TMPRSS11A: variants seen among roughly 807,000 people sequenced by gnomAD.
TMPRSS11A encodes the protein transmembrane serine protease 11A.
A neutral mutation model predicts 58.9 loss-of-function variants in TMPRSS11A; 53 were observed. The observed-to-expected ratio is 0.90, with a 90% CI of 0.72 to 1.13. The LOEUF (loss-of-function observed/expected upper bound fraction) is 1.13. TMPRSS11A is among the 50% of genes most tolerant of loss of function. TMPRSS11A has a pLI of 0.00. For synonymous variants in TMPRSS11A, 167 were observed against 169.8 expected, an observed-to-expected ratio of 0.98 and a Z score of 0.13; for missense variants, 493 against 499.3, an observed-to-expected ratio of 0.99 and a Z score of 0.12.
intron 9 of TMPRSS11A, among the ~76,000 whole-genome samples, chr4:67,913,697 G>C (rs1272654088): frequency 6.6e-6 from 1 of 152,168 alleles, no homozygotes; most frequent in Non-Finnish European, 1.5e-5. Context: ...ATTAGCAACC[G>C]AGGCTGGCTG....
chr4:67,926,088 T>A (rs1029657920), intron 5 of TMPRSS11A, among the ~76,000 whole-genome samples: 1 of 152,200 alleles, frequency 6.6e-6, no homozygotes, highest in African/African-American at 2.4e-5. Flanking sequence ...ACTACAAGTA[T>A]CATGATGAAA....
intron 1 of TMPRSS11A, among the ~76,000 whole-genome samples, chr4:67,951,113 G>A (rs553625078): frequency 6.6e-6 from 1 of 152,306 alleles, no homozygotes; most frequent in South Asian, 2.1e-4. Flanking sequence ...CTTACTCAGA[G>A]TAACACAACC....
At chr4:67,926,874 C>T (rs1033470371) in intron 5 of TMPRSS11A, among the ~76,000 whole-genome samples, 10 of 152,144 alleles carry the variant, frequency 6.6e-5, no homozygotes, top group Non-Finnish European at 1.3e-4. Flanking sequence ...ATGGGACTAC[C>T]TGCCTGCAGA....
At chr4:67,923,780 T>C (rs1343021631) in intron 6 of TMPRSS11A, among the ~76,000 whole-genome samples, 1 of 152,230 alleles carries the variant, frequency 6.6e-6, no homozygotes, top group Non-Finnish European at 1.5e-5. Flanking sequence ...TCACAGACAA[T>C]GGGTTTTATG....
chr4:67,930,045 G>A lies in TMPRSS11A; in HGVS notation c.321-5C>T, dbSNP rs988773664. On this transcript the variant is annotated splice_polypyrimidine_tract_variant and splice_region_variant and intron_variant, in intron 4 of 9. Coordinates refer to ENST00000508048, the MANE Select transcript of TMPRSS11A (RefSeq NM_001114387.2). ...TTCACACCATCTTCCTCTGGACTGTGACACACAAAAGAAAGGTACATTTTC... is the reference window on the plus strand; with the variant it reads ...TTCACACCATCTTCCTCTGGACTGTAACACACAAAAGAAAGGTACATTTTC... 6.2e-7 allele frequency: 1 copy of A among 1,600,616 alleles called. No homozygotes were observed. Among genetic ancestry groups the A allele is most frequent in the Non-Finnish European group, 8.5e-7 (1 of 1,171,424 alleles).
intron 7 of TMPRSS11A, among the ~76,000 whole-genome samples, chr4:67,920,916 C>T (rs1215827684): frequency 6.6e-6 from 1 of 152,092 alleles, no homozygotes; most frequent in African/African-American, 2.4e-5. Flanking sequence ...TTTGCAGGGA[C>T]ATGGATAGGG....
In TMPRSS11A at chr4:67,919,101, A is replaced by G; in HGVS notation, c.824T>C (p.Val275Ala). Residue 275 changes from valine (V) to alanine (A), a missense_variant, in exon 8 of 10, where the codon GTT becomes GCT. Val to Ala is a moderately conservative substitution (Grantham distance 64). Coordinates refer to ENST00000508048, the MANE Select transcript of TMPRSS11A (RefSeq NM_001114387.2). ...RSAAREYDIA[V>A]VQVSSRVTFS... ...GGTGACTCTGGAAGAGACCTGCACA[A>G]CAGCAATGTCGTACTCTCTTGCTGC... 1 of 1,614,208 alleles carries G rather than the reference A, an allele frequency of 6.2e-7. No homozygotes were observed. The highest frequency in any genetic ancestry group is 8.5e-7 in the Non-Finnish European group (1 of 1,180,030).
At chr4:67,940,638 T>G (rs1431816366) in intron 3 of TMPRSS11A, among the ~76,000 whole-genome samples, 2 of 152,194 alleles carry the variant, frequency 1.3e-5, no homozygotes, top group African/African-American at 4.8e-5. Context: ...TCTCTTTTTT[T>G]CTTTGTTAAT....
chr4:67,920,279 A>G (rs910238164), intron 7 of TMPRSS11A, among the ~76,000 whole-genome samples: 1 of 152,086 alleles, frequency 6.6e-6, no homozygotes, highest in African/African-American at 2.4e-5. Flanking sequence ...TTCACATCAC[A>G]TATCTGCCTG....
intron 4 of TMPRSS11A, among the ~76,000 whole-genome samples, chr4:67,930,829 T>TTTTTTAA (rs1265700805): frequency 0.012 from 1,085 of 89,620 alleles, 3 homozygotes; most frequent in East Asian, 0.032. Flanking sequence ...TTTTTTTTTT[T>TTTTTTAA]ACAAAAAAAA....
rs1720360596 is a variant in TMPRSS11A at position 67,922,697 on chromosome 4, T to C, written c.692+58A>G. 3.3e-6 allele frequency: 5 copies of C among 1,515,700 alleles called. No individual in the cohort carries two copies. The South Asian group carries it at 3.6e-5, about 11-fold the overall frequency. The allele number at this position is 1,515,700 out of a possible 1,614,324, so 93.9% of individuals were successfully genotyped here. On this transcript the variant is annotated intron_variant, in intron 7 of 9. Coordinates refer to ENST00000508048, the MANE Select transcript of TMPRSS11A (RefSeq NM_001114387.2). ...GAGACATTAATTGTTACCAAGAATA[T>C]GACAAAACTCAGGGCTTTTTAGCAG...
chr4:67,929,146 A>C (rs1212889626), intron 5 of TMPRSS11A, among the ~76,000 whole-genome samples: 1 of 152,098 alleles, frequency 6.6e-6, no homozygotes, highest in Non-Finnish European at 1.5e-5. Flanking sequence ...GAATTCCTCA[A>C]CTCTTTTTGT....
intron 5 of TMPRSS11A, among the ~76,000 whole-genome samples, chr4:67,929,315 A>C (rs1211180932): frequency 2.6e-5 from 4 of 152,220 alleles, no homozygotes; most frequent in South Asian, 2.1e-4. Flanking sequence ...GGGTGAACAA[A>C]AAAAAAGAGA....
intron 1 of TMPRSS11A, among the ~76,000 whole-genome samples, chr4:67,950,683 C>T (rs1034229663): frequency 2.0e-4 from 31 of 152,164 alleles, no homozygotes; most frequent in African/African-American, 7.5e-4. Flanking sequence ...GAACAGAAAT[C>T]TACAGCCTTC....
chr4:67,925,748 A>G (rs1315161408), intron 5 of TMPRSS11A, among the ~76,000 whole-genome samples: 1 of 152,220 alleles, frequency 6.6e-6, no homozygotes, highest in East Asian at 1.9e-4. Flanking sequence ...AATGCAATAA[A>G]GTGGAAAATA....
At chr4:67,940,072 C>A (rs1156273838) in intron 3 of TMPRSS11A, among the ~76,000 whole-genome samples, 1 of 152,186 alleles carries the variant, frequency 6.6e-6, no homozygotes, top group Non-Finnish European at 1.5e-5. Flanking sequence ...TCTTGCATCA[C>A]AGAAATAAAG....
chr4:67,959,694 A>T (rs536593476), intron 1 of TMPRSS11A, among the ~76,000 whole-genome samples: 106 of 152,360 alleles, frequency 7.0e-4, no homozygotes, highest in African/African-American at 2.3e-3. Flanking sequence ...AAGGCTGCAG[A>T]GAAAAGGGAA....
In TMPRSS11A at chr4:67,929,904, T is replaced by C. The variant is rs1331043297; in HGVS notation, c.457A>G (p.Asn153Asp). ...KIRNLRALPINASSVQVNAMS... is the reference protein window; with the variant it reads ...KIRNLRALPIDASSVQVNAMS... Reference sequence around the variant, plus strand: ...CCATTAACTTGAACTGATGAGGCATTTATTGGCAAGGCTCTTAAATTCCTT... The same window carrying C: ...CCATTAACTTGAACTGATGAGGCATCTATTGGCAAGGCTCTTAAATTCCTT... The change falls in exon 5 of 10, where the codon AAT (asparagine) becomes GAT (aspartate). Residue 153 changes from asparagine to aspartate, a missense_variant. By Grantham distance (23) the Asn-to-Asp change is conservative. Transcript: ENST00000508048. The C allele has an allele frequency of 6.2e-7, 1 of 1,612,990 alleles. No individual in the cohort carries two copies. Among genetic ancestry groups the C allele is most frequent in the Non-Finnish European group, 8.5e-7 (1 of 1,179,366 alleles).
chr4:67,954,433 T>C (rs1003852699), intron 1 of TMPRSS11A, among the ~76,000 whole-genome samples: 16 of 152,240 alleles, frequency 1.1e-4, no homozygotes, highest in Non-Finnish European at 1.8e-4. Context: ...AGCATCCATC[T>C]GACCCTAATC....
Sources: allele counts gnomAD v4.1 joint callset (sites outside exome capture counted in the v4.1 genomes callset), GRCh38; gene constraint gnomAD v4.1.1; transcripts MANE v1.5; gene names NCBI Gene and HGNC (gene_info 2026-07-23, HGNC 2026-07-21).